SP4: variants seen among roughly 807,000 people sequenced by gnomAD.
The protein encoded by SP4 is Sp4 transcription factor, also known as transcription factor Sp4.
A neutral mutation model predicts 72.8 loss-of-function variants in SP4; 19 were observed. The observed-to-expected ratio is 0.26, with a 90% CI of 0.18 to 0.38. The LOEUF is 0.38. Among genes scored for constraint, SP4 ranks in the 10% least tolerant of loss-of-function variants. The pLI is 1.00. For synonymous variants in SP4, 395 were observed against 333.1 expected (o/e 1.19, Z -2.02); for missense variants, 1,008 against 926.3 (o/e 1.09, Z -1.14).
intron 3 of SP4, among the ~76,000 whole-genome samples, chr7:21,454,745 C>G (rs73685129): frequency 0.026 from 3,884 of 152,142 alleles, 160 homozygotes; most frequent in African/African-American, 0.087. Context: ...GTAGGACTTT[C>G]CAGTTGAAGT....
chr7:21,487,147 TTGTTTCACC>T (rs1353504919), intron 5 of SP4, among the ~76,000 whole-genome samples: 3 of 152,220 alleles, frequency 2.0e-5, no homozygotes, highest in Non-Finnish European at 2.9e-5. Flanking sequence ...CTTGCTCAAA[TTGTTTCACC>T]TTTGGCCATT....
chr7:21,514,787 A>G lies in SP4; in HGVS notation c.*3518A>G, dbSNP rs1035994502. The G allele has an allele frequency of 5.9e-5, 9 of 152,350 alleles. No individual in the cohort carries two copies. The highest frequency in any genetic ancestry group is 2.0e-4 in the Admixed American group (3 of 15,304). The allele number at this position is 152,350 out of a possible 1,614,324, so 9.4% of individuals were successfully genotyped here. On this transcript the variant is annotated 3_prime_UTR_variant, in exon 6 of 6. Coordinates refer to ENST00000222584, the MANE Select transcript of SP4 (RefSeq NM_003112.5). ...CATGTTTCATTTAATTATGTATACTATAAAGCAGCAATAAATTATTTGAAC... is the reference window on the plus strand; with the variant it reads ...CATGTTTCATTTAATTATGTATACTGTAAAGCAGCAATAAATTATTTGAAC...
intron 3 of SP4, among the ~76,000 whole-genome samples, chr7:21,439,726 C>A (rs1484861300): frequency 6.6e-6 from 1 of 151,652 alleles, no homozygotes. Context: ...TGTACCTCTA[C>A]GAAAAAAGGA....
intron 4 of SP4, 46 bp downstream of exon 4, chr7:21,477,353 C>G (rs776749088): frequency 1.5e-6 from 2 of 1,322,368 alleles, no homozygotes; most frequent in Non-Finnish European, 2.2e-6. Flanking sequence ...AGGCATAAAA[C>G]AGCAGTTAAA....
chr7:21,486,283 A>G (rs181093294), intron 5 of SP4, among the ~76,000 whole-genome samples: 10 of 152,138 alleles, frequency 6.6e-5, no homozygotes, highest in East Asian at 1.9e-4. Context: ...TAGAGTTCGC[A>G]TATCATTCAC....
chr7:21,456,531 G>A (rs1359865123), intron 3 of SP4, among the ~76,000 whole-genome samples: 3 of 152,248 alleles, frequency 2.0e-5, no homozygotes, highest in South Asian at 2.1e-4. Flanking sequence ...CAAGAGCTGC[G>A]GACACATGAA....
Position 21,428,185 on chromosome 7 carries a change from C to CCCCCCCCCCCCCCCCCCCCCCCCCAA in SP4, c.-67_-66insCCCCCCCCCCCCCCCCCCCCCCCCAA. 1 of 622,636 alleles carries CCCCCCCCCCCCCCCCCCCCCCCCCAA rather than the reference C, an allele frequency of 1.6e-6. No homozygotes were observed. Among genetic ancestry groups the CCCCCCCCCCCCCCCCCCCCCCCCCAA allele is most frequent in the Non-Finnish European group, 2.9e-6 (1 of 342,380 alleles). 38.6% of individuals were successfully genotyped at this position (622,636 alleles called of 1,614,324 possible). A position where few individuals can be genotyped will look rare whatever the true frequency, so the allele number is the denominator to read the frequency against. On this transcript the variant is annotated 5_prime_UTR_variant, in exon 1 of 6. Coordinates refer to ENST00000222584, the MANE Select transcript of SP4 (RefSeq NM_003112.5). ...GGGCGGGACCGGCCTCTCCTCCCGC[C>CCCCCCCCCCCCCCCCCCCCCCCCCAA]TCGCCCCCACCCCCACCCACCTCTA...
At chr7:21,510,953 A>G (rs763851522) in intron 5 of SP4, 69 bp from the exon 6 acceptor site, 45 of 1,424,620 alleles carry the variant, frequency 3.2e-5, no homozygotes, top group Non-Finnish European at 4.0e-5. Flanking sequence ...ACCAGAAGGG[A>G]GATTATTAAA....
intron 3 of SP4, among the ~76,000 whole-genome samples, chr7:21,462,391 T>C (rs1266667638): frequency 1.3e-5 from 2 of 152,140 alleles, no homozygotes; most frequent in Non-Finnish European, 2.9e-5. Context: ...AAGAATTTGA[T>C]GTATGAATGG....
At chr7:21,483,839 T>G (rs893746951) in intron 5 of SP4, among the ~76,000 whole-genome samples, 1 of 151,724 alleles carries the variant, frequency 6.6e-6, no homozygotes, top group African/African-American at 2.4e-5. Flanking sequence ...TCAGAATATT[T>G]AGAATTTGGG....
At chr7:21,481,031 C>T (rs1784670209) in intron 4 of SP4, among the ~76,000 whole-genome samples, 1 of 152,172 alleles carries the variant, frequency 6.6e-6, no homozygotes, top group South Asian at 2.1e-4. Flanking sequence ...CAGCAATAGC[C>T]TCAGGTCTTC....
chr7:21,494,944 C>A lies in SP4; in HGVS notation c.2107+12821C>A, dbSNP rs1210025178. The stretch of plus-strand genomic sequence containing the variant: ...GGATAAGTAAGACAGAATATAGAGT[C>A]CAGAAATTCCCCTCCACACACAGGG... On this transcript the variant is annotated intron_variant, in intron 5 of 5. Coordinates refer to ENST00000222584, the MANE Select transcript of SP4 (RefSeq NM_003112.5). Among the ~76,000 whole-genome samples the A allele has an allele frequency of 2.0e-5, 3 of 152,062 alleles. No homozygotes were observed. In the East Asian group the frequency reaches 5.8e-4, roughly 29 times the overall value.
chr7:21,465,352 T>G (rs930216332), intron 3 of SP4, among the ~76,000 whole-genome samples: 7 of 152,152 alleles, frequency 4.6e-5, no homozygotes, highest in African/African-American at 1.7e-4. Flanking sequence ...ATCCTAGTGC[T>G]TAAGGAGAGA....
chr7:21,508,268 A>G (rs1782055603), intron 5 of SP4, among the ~76,000 whole-genome samples: 2 of 152,190 alleles, frequency 1.3e-5, no homozygotes, highest in African/African-American at 4.8e-5. Context: ...GTCCAAACCC[A>G]AAGAATGGAC....
In SP4 at chr7:21,430,700, C is replaced by A. The variant is rs1349675812; in HGVS notation, c.1535C>A (p.Pro512His). The change falls in exon 3 of 6, where the codon CCT becomes CAT. Residue 512 changes from proline to histidine, a missense_variant. By Grantham distance (77) the Pro-to-His change is moderately conservative. Coordinates refer to ENST00000222584, the MANE Select transcript of SP4 (RefSeq NM_003112.5). ...GGCACAACTCTTGCTCAGATTGCTC[C>A]TGTGGCTGTTGCTGGTGCCCCAATA... Reference protein sequence around the residue: ...SGGTTLAQIAPVAVAGAPITL... With the variant: ...SGGTTLAQIAHVAVAGAPITL... 2 of 1,614,212 alleles carry A rather than the reference C, an allele frequency of 1.2e-6. No individual in the cohort carries two copies. The highest frequency in any genetic ancestry group is 2.7e-5 in the African/African-American group (2 of 75,042).
chr7:21,481,616 T>G (rs1389865366), intron 4 of SP4, among the ~76,000 whole-genome samples: 2 of 152,158 alleles, frequency 1.3e-5, no homozygotes, highest in African/African-American at 4.8e-5. Flanking sequence ...TTTAGAGAAG[T>G]TTCAAGTGTT....
intron 5 of SP4, among the ~76,000 whole-genome samples, chr7:21,492,027 C>G (rs1784992052): frequency 6.6e-6 from 1 of 152,178 alleles, no homozygotes. Context: ...ATAGAGCAGA[C>G]TGTTTTTCCT....
At chr7:21,474,216 T>C (rs1250824107) in intron 3 of SP4, among the ~76,000 whole-genome samples, 1 of 152,186 alleles carries the variant, frequency 6.6e-6, no homozygotes, top group African/African-American at 2.4e-5. Flanking sequence ...CATCTAGCAG[T>C]TCTTTACCAA....
chr7:21,429,228 C>T, intron 2 of SP4, 61 bp from the exon 3 acceptor site: 1 of 929,980 alleles, frequency 1.1e-6, no homozygotes, highest in Non-Finnish European at 1.6e-6. Context: ...CTACTGGCCT[C>T]CACTAAATCC....
Sources: allele counts gnomAD v4.1 joint callset (sites outside exome capture counted in the v4.1 genomes callset), GRCh38; gene constraint gnomAD v4.1.1; transcripts MANE v1.5; gene names NCBI Gene and HGNC (gene_info 2026-07-23, HGNC 2026-07-21).